FAF2: variants seen among roughly 807,000 people sequenced by gnomAD.
FAF2 encodes FAS-associated factor 2.
FAF2 carries 9 observed loss-of-function variants against 62.3 expected under a neutral mutation model. That is an observed-to-expected ratio of 0.14 (90% CI 0.09 to 0.25). The LOEUF (loss-of-function observed/expected upper bound fraction) is 0.25. Ranked by LOEUF, FAF2 falls within the 10% of genes least tolerant of loss-of-function variation. The pLI is 1.00. For synonymous variants in FAF2, 202 were observed against 198.0 expected (o/e 1.02, Z -0.17); for missense variants, 368 against 556.2 (o/e 0.66, Z 3.40).
Position 176,451,773 on chromosome 5 carries a change from TAC to T in FAF2, c.63+3304_63+3305del, listed in dbSNP as rs1474724465. Reference sequence around the variant, plus strand: ...TGTATATTGTATATATACATATATATACGTGTGTGTGTGTATATATATATACA... The same window carrying T: ...TGTATATTGTATATATACATATATATGTGTGTGTGTGTATATATATATACA... On this transcript the variant is annotated intron_variant, in intron 1 of 10. Coordinates refer to ENST00000261942, the MANE Select transcript of FAF2 (RefSeq NM_014613.3). Among the ~76,000 whole-genome samples the T allele has an allele frequency of 1.0e-3, 100 of 98,786 alleles. 3 individuals are homozygous for T. Among genetic ancestry groups the T allele is most frequent in the Admixed American group, 3.9e-3 (29 of 7,528 alleles). 64.8% of individuals were successfully genotyped at this position (98,786 alleles called of 152,430 possible).
intron 10 of FAF2, among the ~76,000 whole-genome samples, chr5:176,503,794 A>G (rs1218300299): frequency 5.9e-5 from 9 of 152,214 alleles, no homozygotes; most frequent in Non-Finnish European, 1.0e-4. Flanking sequence ...TTTTCTGTCC[A>G]TTGCAAACCA....
intron 5 of FAF2, 90 bp downstream of exon 5, chr5:176,492,422 T>G: frequency 3.0e-5 from 42 of 1,392,310 alleles, no homozygotes; most frequent in Non-Finnish European, 4.0e-5. Context: ...ATGTCCTTCT[T>G]GTACTCAAAA....
At chr5:176,460,513 C>T (rs796581212) in intron 1 of FAF2, among the ~76,000 whole-genome samples, 269 of 132,658 alleles carry the variant, frequency 2.0e-3, no homozygotes, top group African/African-American at 5.9e-3. Context: ...TTTTTGGCCG[C>T]GTGTGTGTGT....
chr5:176,496,069 C>T (rs761487079), intron 7 of FAF2, among the ~76,000 whole-genome samples: 15 of 152,156 alleles, frequency 9.9e-5, no homozygotes, highest in Admixed American at 7.9e-4. Context: ...TCCTTAAACT[C>T]TGCAGCCTTC....
intron 1 of FAF2, among the ~76,000 whole-genome samples, chr5:176,461,332 T>C (rs938158277): frequency 2.7e-5 from 4 of 146,402 alleles, no homozygotes; most frequent in Non-Finnish European, 6.0e-5. Flanking sequence ...TTTTTTTTTT[T>C]TTTTGAGACA....
chr5:176,461,774 C>A (rs1758384348), intron 1 of FAF2, among the ~76,000 whole-genome samples: 1 of 151,956 alleles, frequency 6.6e-6, no homozygotes, highest in African/African-American at 2.4e-5. Context: ...TTGATAGTTT[C>A]TTTTACTGTG....
chr5:176,449,136 T>C (rs1018580347), intron 1 of FAF2, among the ~76,000 whole-genome samples: 7 of 152,226 alleles, frequency 4.6e-5, no homozygotes, highest in African/African-American at 1.7e-4. Flanking sequence ...TGCAGAAATG[T>C]TATGTTAATA....
At chr5:176,504,322 G>A (rs548732162) in intron 10 of FAF2, among the ~76,000 whole-genome samples, 2 of 151,976 alleles carry the variant, frequency 1.3e-5, no homozygotes, top group South Asian at 4.2e-4. Flanking sequence ...GGTGGCTCAC[G>A]CCCATAGTCC....
Position 176,499,018 on chromosome 5 carries a change from G to T in FAF2, c.944G>T (p.Arg315Leu). The T allele has an allele frequency of 6.2e-7, 1 of 1,613,118 alleles. No homozygotes were observed. Among genetic ancestry groups the T allele is most frequent in the Non-Finnish European group, 8.5e-7 (1 of 1,179,416 alleles). ...AAAGAAAGAAAGAAACGGGAGGAGC[G>T]GGAGCGTAAGCGGCGGAAGGAGGAG... ...QEKERKKREERERKRRKEEEV... is the reference protein window; with the variant it reads ...QEKERKKREELERKRRKEEEV... Residue 315 changes from arginine to leucine, a missense_variant, in exon 9 of 11, where the codon CGG becomes CTG. Transcript: ENST00000261942.
At chr5:176,461,336 T>TTTTTTTA in intron 1 of FAF2, among the ~76,000 whole-genome samples, 1 of 146,774 alleles carries the variant, frequency 6.8e-6, no homozygotes, top group African/African-American at 2.5e-5. Context: ...TTTTTTTTTT[T>TTTTTTTA]GAGACAGGTT....
intron 1 of FAF2, among the ~76,000 whole-genome samples, chr5:176,454,413 A>T (rs1758244261): frequency 6.6e-6 from 1 of 151,708 alleles, no homozygotes; most frequent in African/African-American, 2.4e-5. Flanking sequence ...AAATAAAAAT[A>T]AAAATACAAA....
intron 1 of FAF2, among the ~76,000 whole-genome samples, chr5:176,464,933 G>A (rs1758438387): frequency 6.6e-6 from 1 of 152,094 alleles, no homozygotes; most frequent in African/African-American, 2.4e-5. Context: ...TATCGCCCCG[G>A]CTAGAGTGCA....
At chr5:176,499,491 T>C (rs1755555637) in intron 9 of FAF2, among the ~76,000 whole-genome samples, 1 of 152,146 alleles carries the variant, frequency 6.6e-6, no homozygotes, top group African/African-American at 2.4e-5. Context: ...CTTTTTGTTT[T>C]TGTTTTGTTT....
chr5:176,458,011 C>A (rs1758306421), intron 1 of FAF2, among the ~76,000 whole-genome samples: 1 of 152,192 alleles, frequency 6.6e-6, no homozygotes, highest in Admixed American at 6.5e-5. Context: ...CATTTAAAGT[C>A]TTCTCAATTC....
chr5:176,468,595 T>C (rs1758511004), intron 1 of FAF2, among the ~76,000 whole-genome samples: 1 of 151,110 alleles, frequency 6.6e-6, no homozygotes, highest in African/African-American at 2.4e-5. Flanking sequence ...AAAAGAAAAA[T>C]AGAAGTAAAT....
chr5:176,492,335 C>A lies in FAF2; in HGVS notation c.483+3C>A. The A allele has an allele frequency of 6.2e-7, 1 of 1,612,418 alleles. No individual in the cohort carries two copies. Among genetic ancestry groups the A allele is most frequent in the South Asian group, 1.1e-5 (1 of 90,868 alleles). ...TCTACCAGGGAACGTACAGCCAGGT[C>A]AGTGCCATAAACCATATAGATGCCA... is the stretch of plus-strand genomic sequence containing the variant. On this transcript the variant is annotated splice_donor_region_variant and intron_variant, in intron 5 of 10. Coordinates refer to ENST00000261942, the MANE Select transcript of FAF2 (RefSeq NM_014613.3).
chr5:176,466,071 C>T (rs1428324314), intron 1 of FAF2, among the ~76,000 whole-genome samples: 1 of 152,134 alleles, frequency 6.6e-6, no homozygotes, highest in Non-Finnish European at 1.5e-5. Flanking sequence ...TGTTTTATTA[C>T]ACGGTAATAG....
chr5:176,458,829 C>T (rs558718351), intron 1 of FAF2, among the ~76,000 whole-genome samples: 22 of 152,234 alleles, frequency 1.4e-4, no homozygotes, highest in African/African-American at 5.1e-4. Context: ...TATTTCTATT[C>T]CAGTGATACT....
intron 2 of FAF2, 71 bp from the exon 3 acceptor site, chr5:176,486,284 G>A (rs1220439230): frequency 1.8e-5 from 28 of 1,589,220 alleles, no homozygotes; most frequent in Non-Finnish European, 2.2e-5. Context: ...CCACGCAATA[G>A]TTGCCTCACC....
Sources: allele counts gnomAD v4.1 joint callset (sites outside exome capture counted in the v4.1 genomes callset), GRCh38; gene constraint gnomAD v4.1.1; transcripts MANE v1.5; gene names NCBI Gene and HGNC (gene_info 2026-07-23, HGNC 2026-07-21).